UNC79: variants seen among roughly 807,000 people sequenced by gnomAD.
The protein encoded by UNC79 is unc-79 subunit of NALCN channel complex, also known as protein unc-79 homolog.
Under a neutral mutation model 283.1 loss-of-function variants are expected in UNC79, and 37 were observed. The ratio of observed to expected loss-of-function variants is 0.13; its 90% CI spans 0.10 to 0.17. The LOEUF (loss-of-function observed/expected upper bound fraction) is 0.17. UNC79 is among the 10% of genes least tolerant of loss of function. UNC79 has a pLI of 1.00. For synonymous variants in UNC79, 1,107 were observed against 1,200.2 expected (o/e 0.92, Z 1.61); for missense variants, 2,272 against 3,211.1 (o/e 0.71, Z 7.07).
chr14:93,507,499 G>A (rs896821228), intron 7 of UNC79, among the ~76,000 whole-genome samples: 2 of 151,854 alleles, frequency 1.3e-5, no homozygotes, highest in African/African-American at 4.8e-5. Flanking sequence ...TATAATTATT[G>A]GTTATTCCTA....
chr14:93,366,430 A>G (rs2054335444), intron 1 of UNC79, among the ~76,000 whole-genome samples: 1 of 152,154 alleles, frequency 6.6e-6, no homozygotes, highest in Non-Finnish European at 1.5e-5. Context: ...GCAGGGTCCT[A>G]TGGATGTGGG....
intron 32 of UNC79, among the ~76,000 whole-genome samples, chr14:93,640,739 A>G (rs933043357): frequency 1.3e-5 from 2 of 152,226 alleles, no homozygotes; most frequent in Non-Finnish European, 1.5e-5. Context: ...TGTAATGTTG[A>G]TATGCGTTTG....
intron 4 of UNC79, among the ~76,000 whole-genome samples, chr14:93,478,827 G>A (rs1292287671): frequency 2.6e-5 from 4 of 152,104 alleles, no homozygotes; most frequent in Non-Finnish European, 5.9e-5. Flanking sequence ...TATTAAAGTT[G>A]TTGCTCTGTA....
At chr14:93,473,333 A>ACC (rs2057623264) in intron 2 of UNC79, among the ~76,000 whole-genome samples, 1 of 152,186 alleles carries the variant, frequency 6.6e-6, no homozygotes, top group African/African-American at 2.4e-5. Flanking sequence ...GCAAAATTTA[A>ACC]AAAACACACA....
intron 1 of UNC79, among the ~76,000 whole-genome samples, chr14:93,446,987 C>G (rs1018502106): frequency 6.6e-6 from 1 of 152,106 alleles, no homozygotes; most frequent in Non-Finnish European, 1.5e-5. Context: ...ATATTGCAGT[C>G]TTTAGATTAT....
intron 1 of UNC79, among the ~76,000 whole-genome samples, chr14:93,383,827 T>G (rs1010403188): frequency 6.6e-6 from 1 of 152,176 alleles, no homozygotes; most frequent in African/African-American, 2.4e-5. Context: ...ATTACGGGGC[T>G]GGGTCCTTCC....
chr14:93,541,892 C>T (rs2141195849), intron 13 of UNC79, among the ~76,000 whole-genome samples: 1 of 151,040 alleles, frequency 6.6e-6, no homozygotes, highest in African/African-American at 2.4e-5. Context: ...GTAGTCCCAG[C>T]TACTCGGGAG....
intron 41 of UNC79, among the ~76,000 whole-genome samples, chr14:93,676,916 A>G (rs2073392971): frequency 6.6e-6 from 1 of 152,218 alleles, no homozygotes; most frequent in African/African-American, 2.4e-5. Flanking sequence ...GTGACTTGTC[A>G]TTGAAATCAT....
chr14:93,360,917 C>T (rs6575324), intron 1 of UNC79, among the ~76,000 whole-genome samples: 1 of 151,946 alleles, frequency 6.6e-6, no homozygotes, highest in Non-Finnish European at 1.5e-5. Flanking sequence ...CTTCTACAAC[C>T]AAGAAAGAGG....
intron 1 of UNC79, among the ~76,000 whole-genome samples, chr14:93,366,909 G>T (rs1013519292): frequency 6.6e-6 from 1 of 152,000 alleles, no homozygotes; most frequent in African/African-American, 2.4e-5. Context: ...ATAAATATAA[G>T]TGCTAGGACT....
intron 1 of UNC79, among the ~76,000 whole-genome samples, chr14:93,361,740 G>A (rs2054231989): frequency 6.6e-6 from 1 of 152,112 alleles, no homozygotes; most frequent in African/African-American, 2.4e-5. Flanking sequence ...TTGAATAGGA[G>A]TGGTGGGAGT....
At position 93,621,552 on chromosome 14, in the gene UNC79, C is replaced by T. The variant is rs2067135853; in HGVS notation, c.4388-69C>T. The T allele has an allele frequency of 6.8e-7, 1 of 1,478,432 alleles. No homozygotes were observed. The highest frequency in any genetic ancestry group is 9.0e-7 in the Non-Finnish European group (1 of 1,115,090). 91.6% of individuals were successfully genotyped at this position (1,478,432 alleles called of 1,614,324 possible). A position where few individuals can be genotyped will look rare whatever the true frequency, so the allele number is the denominator to read the frequency against. On this transcript the variant is annotated intron_variant, in intron 29 of 48. Transcript: ENST00000555664. This position sits in a 1 kb window ranked among gnomAD's most constrained non-coding sequence, Gnocchi z 4.8. ...ATGATGATTTATGCCAATTGTATGC[C>T]CAAGGATGAGGGGAAAAAATGGTGA... is the stretch of plus-strand genomic sequence containing the variant.
chr14:93,334,156 C>T (rs2053523067), intron 1 of UNC79, among the ~76,000 whole-genome samples: 1 of 152,238 alleles, frequency 6.6e-6, no homozygotes, highest in African/African-American at 2.4e-5. Context: ...TCTTGACCCT[C>T]CATTATTTTA....
intron 37 of UNC79, among the ~76,000 whole-genome samples, chr14:93,654,749 C>G (rs572603015): frequency 1.3e-5 from 2 of 152,298 alleles, no homozygotes; most frequent in Admixed American, 1.3e-4. Flanking sequence ...GACCTTGCTT[C>G]CACAGAACAA....
chr14:93,686,684 A>T (rs563670830), intron 43 of UNC79, 23 bp downstream of exon 46: 1 of 1,613,356 alleles, frequency 6.2e-7, no homozygotes, highest in South Asian at 1.1e-5. Flanking sequence ...CCACCTGCTC[A>T]TCCCTCAGGT....
chr14:93,364,115 G>A (rs1408265564), intron 1 of UNC79, among the ~76,000 whole-genome samples: 4 of 152,060 alleles, frequency 2.6e-5, no homozygotes, highest in African/African-American at 9.7e-5. Flanking sequence ...CTTTTTAGTT[G>A]AAGTATAACA....
intron 31 of UNC79, among the ~76,000 whole-genome samples, chr14:93,635,591 A>G (rs1217392109): frequency 6.6e-6 from 1 of 152,240 alleles, no homozygotes; most frequent in African/African-American, 2.4e-5. Context: ...AAGCCATAGT[A>G]TTTATGTACA....
In UNC79 at chr14:93,657,426, A is replaced by T. The variant is rs532571089; in HGVS notation, c.6457-1767A>T. On this transcript the variant is annotated intron_variant, in intron 38 of 48. Transcript: ENST00000555664. ...GAGTGCAGTGGCACAATCTCGGCTC[A>T]CTGCAAGCTCCGCCTCCTGGGTTCA... Among the ~76,000 whole-genome samples the T allele has an allele frequency of 8.0e-5, 12 of 149,138 alleles. No individual in the cohort carries two copies. The South Asian group carries it at 2.5e-3, about 32-fold the overall frequency.
At chr14:93,555,667 G>A (rs2062138448) in intron 14 of UNC79, among the ~76,000 whole-genome samples, 1 of 152,086 alleles carries the variant, frequency 6.6e-6, no homozygotes, top group Non-Finnish European at 1.5e-5. Context: ...GGCCCCCAAA[G>A]TGCTGGGATT....
Sources: gnomAD v4.1 joint callset for allele counts (sites outside exome capture counted in the v4.1 genomes callset) on GRCh38, gnomAD v4.1.1 for gene constraint, Gnocchi (gnomAD v3.1) non-coding constraint, MANE v1.5 for transcripts, NCBI Gene and HGNC (gene_info 2026-07-23, HGNC 2026-07-21) for gene names.